NAV1: variants seen among roughly 807,000 people sequenced by gnomAD.
NAV1 encodes the protein pore membrane and/or filament interacting like protein 3.
NAV1 carries 18 observed loss-of-function variants against 175.2 expected under a neutral mutation model. The ratio of observed to expected loss-of-function variants is 0.10; its 90% CI spans 0.07 to 0.15. The LOEUF is 0.15. Ranked by LOEUF, NAV1 falls within the 10% of genes least tolerant of loss-of-function variation. The pLI is 1.00. For missense variants in NAV1, 1,731 were observed against 2,436.6 expected, an observed-to-expected ratio of 0.71 and a Z score of 6.10; for synonymous variants, 897 against 978.7, an observed-to-expected ratio of 0.92 and a Z score of 1.56.
At chr1:201,695,677 G>A (rs1671160589) in intron 1 of NAV1, among the ~76,000 whole-genome samples, 1 of 152,246 alleles carries the variant, frequency 6.6e-6, no homozygotes, top group Admixed American at 6.5e-5. Flanking sequence ...GCTGGATGCA[G>A]GCCCTGGAGG....
upstream of NAV1, among the ~76,000 whole-genome samples, chr1:201,647,846 G>A (rs1402800689): frequency 6.6e-6 from 1 of 151,792 alleles, no homozygotes; most frequent in Non-Finnish European, 1.5e-5. Context: ...CCCGCATTCT[G>A]AGCCGCCCTC....
At chr1:201,690,001 G>A (rs56362239) in intron 1 of NAV1, among the ~76,000 whole-genome samples, 1 of 147,146 alleles carries the variant, frequency 6.8e-6, no homozygotes. Flanking sequence ...TGTCCATGCA[G>A]TGTGTGTCTG....
chr1:201,819,459 T>TC (rs1679260532), intron 29 of NAV1, among the ~76,000 whole-genome samples: 1 of 150,982 alleles, frequency 6.6e-6, no homozygotes, highest in Non-Finnish European at 1.5e-5. Context: ...TCTAGATTTT[T>TC]TTTTTTTTTT....
At chr1:201,772,333 C>T (rs1190082831) in intron 3 of NAV1, among the ~76,000 whole-genome samples, 1 of 152,146 alleles carries the variant, frequency 6.6e-6, no homozygotes, top group African/African-American at 2.4e-5. Flanking sequence ...TGTCAGATCC[C>T]TGGGATAATG....
chr1:201,780,339 C>T, intron 3 of NAV1, 82 bp from the exon 8 acceptor site: 1 of 1,545,726 alleles, frequency 6.5e-7, no homozygotes, highest in South Asian at 1.2e-5. Context: ...GGTGCAGAGC[C>T]ATTCTTGCAT....
At chr1:201,761,165 A>G (rs890560366) in intron 3 of NAV1, among the ~76,000 whole-genome samples, 2 of 152,230 alleles carry the variant, frequency 1.3e-5, no homozygotes, top group Admixed American at 1.3e-4. Flanking sequence ...TAGAAACACT[A>G]AAGAAGACGT....
At chr1:201,704,332 C>CGCTGCAGTCGCAGCAAG (rs1671571192) in intron 1 of NAV1, among the ~76,000 whole-genome samples, 2 of 152,236 alleles carry the variant, frequency 1.3e-5, no homozygotes, top group Admixed American at 1.3e-4. Context: ...CACCTCGCTG[C>CGCTGCAGTCGCAGCAAG]GCTGCAGTCG....
intron 1 of NAV1, among the ~76,000 whole-genome samples, chr1:201,655,244 G>T (rs1425158740): frequency 6.6e-6 from 1 of 152,092 alleles, no homozygotes; most frequent in Non-Finnish European, 1.5e-5. Flanking sequence ...GCCCAACCAG[G>T]AAGCTCTCCT....
At chr1:201,575,092 C>CACTCCT (rs1666658143) in intron 1 of NAV1, among the ~76,000 whole-genome samples, 1 of 152,222 alleles carries the variant, frequency 6.6e-6, no homozygotes, top group South Asian at 2.1e-4. Context: ...CCTTTGAAGT[C>CACTCCT]CTGATGCAGA....
At chr1:201,546,872 C>A (rs1327648102) in intron 1 of NAV1, among the ~76,000 whole-genome samples, 1 of 149,390 alleles carries the variant, frequency 6.7e-6, no homozygotes, top group Admixed American at 6.7e-5. Context: ...CCACTGCACT[C>A]CAGTCTGGGA....
exon 4 of NAV1, chr1:201,780,457 C>T (rs765933078): frequency 1.9e-6 from 3 of 1,614,212 alleles, no homozygotes; most frequent in Admixed American, 1.7e-5. Flanking sequence ...GTGGACTCAG[C>T]GATGCCTCAG....
At chr1:201,600,888 T>C (rs1303284590) in intron 2 of NAV1, among the ~76,000 whole-genome samples, 1 of 152,204 alleles carries the variant, frequency 6.6e-6, no homozygotes, top group Non-Finnish European at 1.5e-5. Context: ...TCCTTAGTTC[T>C]AGGAGCCATC....
chr1:201,627,801 GTCTT>G (rs577996710), intron 1 of NAV1, among the ~76,000 whole-genome samples: 92 of 152,062 alleles, frequency 6.1e-4, no homozygotes, highest in African/African-American at 2.2e-3. Flanking sequence ...ACCAACCCCA[GTCTT>G]TCTTTATCCC....
intron 15 of NAV1, chr1:201,796,706 CGTT>C (rs1677476722): frequency 6.6e-6 from 1 of 152,292 alleles, no homozygotes; most frequent in Middle Eastern, 3.4e-3. Context: ...GGTGGTATCT[CGTT>C]GTGGTTTTGA....
At chr1:201,699,397 C>T (rs531915734) in intron 1 of NAV1, among the ~76,000 whole-genome samples, 1 of 152,136 alleles carries the variant, frequency 6.6e-6, no homozygotes, top group African/African-American at 2.4e-5. Context: ...TGTGAAGGAC[C>T]TCTTCAAGGA....
intron 1 of NAV1, among the ~76,000 whole-genome samples, chr1:201,582,289 A>C (rs894714713): frequency 6.6e-6 from 1 of 152,186 alleles, no homozygotes; most frequent in Non-Finnish European, 1.5e-5. Flanking sequence ...AACTGGCTAC[A>C]TGAGAGAGAG....
chr1:201,691,830 C>T (rs780833315), intron 1 of NAV1, among the ~76,000 whole-genome samples: 30 of 152,234 alleles, frequency 2.0e-4, no homozygotes, highest in East Asian at 7.7e-4. Context: ...GAATATTTCT[C>T]AACACAGCCC....
chr1:201,558,609 C>A (rs913799992), intron 1 of NAV1, among the ~76,000 whole-genome samples: 1 of 152,160 alleles, frequency 6.6e-6, no homozygotes, highest in Non-Finnish European at 1.5e-5. Context: ...CACACCACCA[C>A]GCTGGCTAAT....
chr1:201,728,011 A>C (rs765163498), intron 3 of NAV1, among the ~76,000 whole-genome samples: 1 of 152,218 alleles, frequency 6.6e-6, no homozygotes, highest in Non-Finnish European at 1.5e-5. Flanking sequence ...TGGGACACAA[A>C]TACCACCAGT....
Sources: gnomAD v4.1 joint callset for allele counts (sites outside exome capture counted in the v4.1 genomes callset) on GRCh38, gnomAD v4.1.1 for gene constraint, MANE v1.5 for transcripts, NCBI Gene and HGNC (gene_info 2026-07-23, HGNC 2026-07-21) for gene names.